HDAC8: variants seen among roughly 807,000 people sequenced by gnomAD.
HDAC8 encodes histone deacetylase-like 1.
HDAC8 carries 1 observed loss-of-function variant against 32.2 expected under a neutral mutation model. The observed-to-expected ratio is 0.03, with a 90% confidence interval of 0.01 to 0.15. The LOEUF (loss-of-function observed/expected upper bound fraction) is 0.15. Ranked by LOEUF, HDAC8 falls within the 10% of genes least tolerant of loss-of-function variation. The probability of loss-of-function intolerance (pLI) is 1.00; values close to 1 mark genes in which losing one functional copy is unlikely to be tolerated. For synonymous variants in HDAC8, 108 were observed against 113.9 expected (o/e 0.95, Z 0.33); for missense variants, 117 against 300.0 (o/e 0.39, Z 4.51).
intron 9 of HDAC8, among the ~76,000 whole-genome samples, chrX:72,404,730 G>C (rs1370583567): frequency 9.0e-6 from 1 of 111,155 alleles, no homozygotes; most frequent in African/African-American, 3.3e-5. Flanking sequence ...TTATTGAGAA[G>C]TCAGCTATCA....
intron 10 of HDAC8, among the ~76,000 whole-genome samples, chrX:72,335,370 C>T (rs2043651654): frequency 8.9e-6 from 1 of 112,070 alleles, no homozygotes; most frequent in Non-Finnish European, 1.9e-5. Flanking sequence ...TTCACTGAAG[C>T]CCGGCAACCA....
chrX:72,402,042 G>A (rs1324926070), intron 9 of HDAC8, among the ~76,000 whole-genome samples: 1 of 111,434 alleles, frequency 9.0e-6, no homozygotes, highest in Non-Finnish European at 1.9e-5. Flanking sequence ...AATTATTGTA[G>A]GTCTATTCAG....
chrX:72,534,465 T>A (rs782166160), intron 4 of HDAC8, among the ~76,000 whole-genome samples: 2 of 109,343 alleles, frequency 1.8e-5, no homozygotes, highest in South Asian at 8.0e-4. Flanking sequence ...CGCATCACCA[T>A]GCCCGGCTAA....
intron 9 of HDAC8, among the ~76,000 whole-genome samples, chrX:72,362,994 T>C (rs1341531868): frequency 9.0e-6 from 1 of 111,063 alleles, no homozygotes; most frequent in Non-Finnish European, 1.9e-5. Context: ...GAGATAAAAA[T>C]GAGAAGGGGC....
At chrX:72,404,169 GT>G (rs1443952972) in intron 9 of HDAC8, among the ~76,000 whole-genome samples, 1 of 110,887 alleles carries the variant, frequency 9.0e-6, no homozygotes, top group Non-Finnish European at 1.9e-5. Flanking sequence ...GCTGTGCTGT[GT>G]TTTTGCTGCT....
At chrX:72,541,154 C>A (rs1197877712) in intron 4 of HDAC8, among the ~76,000 whole-genome samples, 1 of 98,507 alleles carries the variant, frequency 1.0e-5, no homozygotes, top group Non-Finnish European at 2.1e-5. Context: ...TGACAGGAGG[C>A]TTTTTTTTTT....
intron 9 of HDAC8, among the ~76,000 whole-genome samples, chrX:72,385,245 C>G (rs1555961086): frequency 2.7e-5 from 3 of 111,427 alleles, no homozygotes; most frequent in Admixed American, 9.6e-5. Context: ...AGGAGGATCA[C>G]TTGAGGCCAC....
chrX:72,527,320 G>A (rs1162847781), intron 4 of HDAC8, among the ~76,000 whole-genome samples: 4 of 111,817 alleles, frequency 3.6e-5, no homozygotes, highest in African/African-American at 1.3e-4. Context: ...TACCACAACA[G>A]CCTCAATACT....
intron 4 of HDAC8, among the ~76,000 whole-genome samples, chrX:72,535,434 T>C (rs1025788376): frequency 9.0e-6 from 1 of 111,148 alleles, no homozygotes; most frequent in Admixed American, 9.6e-5. Context: ...AGTGCCCTTG[T>C]GTCTCTCCTT....
At chrX:72,528,833 G>A (rs782758502) in intron 4 of HDAC8, among the ~76,000 whole-genome samples, 6 of 111,942 alleles carry the variant, frequency 5.4e-5, no homozygotes, top group Non-Finnish European at 9.4e-5. Context: ...TAAGATATCT[G>A]GCACATAGCA....
At chrX:72,393,341 C>T (rs782656529) in intron 9 of HDAC8, among the ~76,000 whole-genome samples, 1 of 111,482 alleles carries the variant, frequency 9.0e-6, no homozygotes, top group Admixed American at 9.5e-5. Context: ...ACTTAGACCA[C>T]CATATTAAAA....
At chrX:72,352,224 G>T (rs782769454) in intron 9 of HDAC8, among the ~76,000 whole-genome samples, 12 of 110,849 alleles carry the variant, frequency 1.1e-4, no homozygotes, top group Non-Finnish European at 2.3e-4. Context: ...GGACTGCAAA[G>T]GCCCTCCCCC....
At chrX:72,444,372 C>T (rs2047299032) in intron 9 of HDAC8, among the ~76,000 whole-genome samples, 1 of 111,759 alleles carries the variant, frequency 8.9e-6, no homozygotes, top group Non-Finnish European at 1.9e-5. Flanking sequence ...GGATGCAACA[C>T]TGGTTCAATA....
intron 5 of HDAC8, among the ~76,000 whole-genome samples, chrX:72,491,986 ACT>A (rs1412795895): frequency 5.4e-5 from 6 of 111,651 alleles, no homozygotes; most frequent in African/African-American, 2.0e-4. Context: ...AAAAATATTA[ACT>A]CTATTTATAT....
chrX:72,360,368 G>GA (rs1220202031), intron 9 of HDAC8, among the ~76,000 whole-genome samples: 1 of 110,572 alleles, frequency 9.0e-6, no homozygotes, highest in Non-Finnish European at 1.9e-5. Flanking sequence ...AAAAAAAGAA[G>GA]AAGAAAGAAA....
At chrX:72,511,432 A>T (rs1487524205) in intron 4 of HDAC8, among the ~76,000 whole-genome samples, 2 of 111,666 alleles carry the variant, frequency 1.8e-5, no homozygotes, top group Admixed American at 1.9e-4. Context: ...TTCTAGTTAA[A>T]AGCACCGGCA....
At chrX:72,442,530 A>G (rs1362889281) in intron 9 of HDAC8, among the ~76,000 whole-genome samples, 2 of 112,030 alleles carry the variant, frequency 1.8e-5, no homozygotes, top group Non-Finnish European at 1.9e-5. Context: ...GAGCTCCTGA[A>G]GGAAGCACTA....
At chrX:72,510,460 C>T (rs189137705) in intron 4 of HDAC8, among the ~76,000 whole-genome samples, 2 of 111,722 alleles carry the variant, frequency 1.8e-5, no homozygotes, top group African/African-American at 3.2e-5. Context: ...GTATCAAGAA[C>T]GTTGACTATG....
intron 8 of HDAC8, among the ~76,000 whole-genome samples, chrX:72,463,265 G>A (rs1207905026): frequency 8.9e-6 from 1 of 112,120 alleles, no homozygotes; most frequent in African/African-American, 3.2e-5. Flanking sequence ...TTTTGCTTAG[G>A]TAGTAAACTA....
Sources: gnomAD v4.1 joint callset for allele counts (sites outside exome capture counted in the v4.1 genomes callset) on GRCh38, gnomAD v4.1.1 for gene constraint, MANE v1.5 for transcripts, NCBI Gene and HGNC (gene_info 2026-07-23, HGNC 2026-07-21) for gene names.